JAK1: variants seen among roughly 807,000 people sequenced by gnomAD.
JAK1 encodes Janus kinase 1.
JAK1 carries 16 observed loss-of-function variants against 136.6 expected under a neutral mutation model. The observed-to-expected ratio is 0.12, with a 90% confidence interval of 0.08 to 0.18. JAK1 has a LOEUF of 0.18. JAK1 is among the 10% of genes least tolerant of loss of function. The pLI, the probability that JAK1 is intolerant of heterozygous loss-of-function variation, is 1.00. For missense variants in JAK1, 859 were observed against 1,450.1 expected (o/e 0.59, Z 6.62); for synonymous variants, 492 against 519.5 (o/e 0.95, Z 0.72).
chr1:65,014,411 TAGAAAGAAA>T (rs1646875166), intron 2 of JAK1, among the ~76,000 whole-genome samples: 1 of 131,994 alleles, frequency 7.6e-6, no homozygotes, highest in South Asian at 2.3e-4. Context: ...GGAAAGAAGG[TAGAAAGAAA>T]AGAAAGAAAG....
intron 2 of JAK1, among the ~76,000 whole-genome samples, chr1:65,019,460 C>T (rs1316974393): frequency 2.0e-5 from 3 of 148,436 alleles, no homozygotes; most frequent in African/African-American, 7.4e-5. Flanking sequence ...ATGACCCCCC[C>T]CCCAATATAT....
At chr1:65,011,662 T>C (rs1018804113) in intron 2 of JAK1, among the ~76,000 whole-genome samples, 2 of 152,182 alleles carry the variant, frequency 1.3e-5, no homozygotes, top group African/African-American at 4.8e-5. Context: ...AGACATATTT[T>C]TTCACCTGTG....
At chr1:64,838,214 C>T in intron 21 of JAK1, 110 bp from the exon 22 acceptor site, 2 of 1,195,820 alleles carry the variant, frequency 1.7e-6, no homozygotes, top group Non-Finnish European at 2.3e-6. Flanking sequence ...ATATCACTGA[C>T]AATTTTTTTG....
chr1:64,875,795 G>C (rs367709594), intron 4 of JAK1, among the ~76,000 whole-genome samples: 1 of 152,170 alleles, frequency 6.6e-6, no homozygotes, highest in Non-Finnish European at 1.5e-5. Flanking sequence ...GCTGGTGACA[G>C]TGGAAAGCTA....
chr1:65,051,903 C>A (rs1647295194), intron 1 of JAK1, among the ~76,000 whole-genome samples: 1 of 152,088 alleles, frequency 6.6e-6, no homozygotes, highest in Non-Finnish European at 1.5e-5. Context: ...GTATTACAAC[C>A]CGAAACCTTG....
intron 1 of JAK1, among the ~76,000 whole-genome samples, chr1:64,887,806 G>C (rs569711675): frequency 6.6e-6 from 1 of 152,188 alleles, no homozygotes; most frequent in African/African-American, 2.4e-5. Flanking sequence ...GGATCAGCAT[G>C]TGTGGGGAAA....
intron 1 of JAK1, among the ~76,000 whole-genome samples, chr1:64,934,707 C>A (rs535020930): frequency 2.2e-4 from 33 of 152,332 alleles, no homozygotes; most frequent in African/African-American, 4.8e-5. Flanking sequence ...CCGGTGAAGT[C>A]CTGTGGACTC....
At chr1:64,952,878 A>G (rs543040974) in intron 1 of JAK1, among the ~76,000 whole-genome samples, 1 of 152,258 alleles carries the variant, frequency 6.6e-6, no homozygotes, top group Non-Finnish European at 1.5e-5. Context: ...TCACAATCCC[A>G]TAAGGTAGGA....
intron 2 of JAK1, among the ~76,000 whole-genome samples, chr1:65,024,299 G>A (rs1159737824): frequency 6.6e-6 from 1 of 152,046 alleles, no homozygotes; most frequent in Non-Finnish European, 1.5e-5. Context: ...AGCCATCCTA[G>A]GGGGTGTAAA....
intron 2 of JAK1, chr1:64,989,520 T>C (rs1403628368): frequency 6.6e-6 from 1 of 152,030 alleles, no homozygotes; most frequent in Non-Finnish European, 1.5e-5. Flanking sequence ...CAGACCTTAT[T>C]TGCAAATTAT....
chr1:64,888,969 A>C (rs1412566077), intron 1 of JAK1, among the ~76,000 whole-genome samples: 1 of 152,208 alleles, frequency 6.6e-6, no homozygotes, highest in African/African-American at 2.4e-5. Flanking sequence ...AAGCACTTTA[A>C]ACCTAAGGCT....
intron 1 of JAK1, among the ~76,000 whole-genome samples, chr1:64,932,723 T>A (rs1447828588): frequency 2.0e-5 from 3 of 152,180 alleles, no homozygotes; most frequent in East Asian, 1.9e-4. Flanking sequence ...TGTTTTTTTT[T>A]ATTGACAAAC....
intron 2 of JAK1, among the ~76,000 whole-genome samples, chr1:64,982,636 A>G (rs1646559197): frequency 6.6e-6 from 1 of 152,140 alleles, no homozygotes; most frequent in Non-Finnish European, 1.5e-5. Context: ...TGTCTCTAAG[A>G]CCACAGGCTT....
chr1:64,895,740 T>C (rs1485105391), intron 1 of JAK1, among the ~76,000 whole-genome samples: 1 of 152,234 alleles, frequency 6.6e-6, no homozygotes, highest in Non-Finnish European at 1.5e-5. Flanking sequence ...CACAAAGATC[T>C]AGAATATGTA....
At chr1:65,041,402 T>C (rs1569931568) in intron 2 of JAK1, among the ~76,000 whole-genome samples, 1 of 152,306 alleles carries the variant, frequency 6.6e-6, no homozygotes. Flanking sequence ...ATGTGGAGTC[T>C]GAGGAAAGAG....
At chr1:64,905,642 C>T (rs959122826) in intron 1 of JAK1, among the ~76,000 whole-genome samples, 1 of 152,184 alleles carries the variant, frequency 6.6e-6, no homozygotes, top group Non-Finnish European at 1.5e-5. Context: ...TGCCATATAA[C>T]AAATTTGCAC....
chr1:64,936,761 T>C (rs1645796136), intron 1 of JAK1, among the ~76,000 whole-genome samples: 1 of 152,112 alleles, frequency 6.6e-6, no homozygotes, highest in South Asian at 2.1e-4. Context: ...TAGAACACCA[T>C]AAGTGCTATA....
At position 64,984,173 on chromosome 1, in the gene JAK1, G is replaced by C. The variant is rs573612566; in HGVS notation, c.-78+60307C>G. ...TAAATAAAACTCAAGTTAATTTGCT[G>C]TGTACAGCTGTATGGAAGTGAGGAA... On this transcript the variant is annotated intron_variant, in intron 2 of 25. Transcript: ENST00000671954. The surrounding 1 kb of genome is among the most constrained non-coding windows in gnomAD (Gnocchi z 4.1). Among the ~76,000 whole-genome samples, 1 of 152,310 alleles carries C rather than the reference G, an allele frequency of 6.6e-6. No individual in the cohort carries two copies. Among genetic ancestry groups the C allele is most frequent in the African/African-American group, 2.4e-5 (1 of 41,562 alleles).
intron 1 of JAK1, among the ~76,000 whole-genome samples, chr1:65,058,730 A>T (rs777510862): frequency 2.0e-5 from 3 of 152,200 alleles, no homozygotes; most frequent in African/African-American, 7.2e-5. Context: ...TGACTTATCC[A>T]TATTAATGAG....
Sources: gnomAD v4.1 joint callset for allele counts (sites outside exome capture counted in the v4.1 genomes callset) on GRCh38, gnomAD v4.1.1 for gene constraint, Gnocchi (gnomAD v3.1) non-coding constraint, MANE v1.5 for transcripts, NCBI Gene and HGNC (gene_info 2026-07-23, HGNC 2026-07-21) for gene names.